XPO1: variants seen among roughly 807,000 people sequenced by gnomAD.
XPO1 encodes exportin-1.
Under a neutral mutation model 133.3 loss-of-function variants are expected in XPO1, and 5 were observed. The ratio of observed to expected loss-of-function variants is 0.04; its 90% CI spans 0.02 to 0.08. The LOEUF is 0.08. Among genes scored for constraint, XPO1 ranks in the 10% least tolerant of loss-of-function variants. XPO1 has a pLI of 1.00. For missense variants in XPO1, 506 were observed against 1,267.5 expected (o/e 0.40, Z 9.12); for synonymous variants, 419 against 408.2 (o/e 1.03, Z -0.32).
At chr2:61,491,308 A>G (rs1420322747) in intron 16 of XPO1, among the ~76,000 whole-genome samples, 1 of 151,802 alleles carries the variant, frequency 6.6e-6, no homozygotes, top group Non-Finnish European at 1.5e-5. Context: ...TAAAAATAAA[A>G]AAATTAGCTG....
chr2:61,502,988 C>T (rs1196868573), intron 4 of XPO1, among the ~76,000 whole-genome samples: 7 of 137,930 alleles, frequency 5.1e-5, no homozygotes, highest in Admixed American at 1.5e-4. Context: ...TTTTTTGAGA[C>T]GGAGTCCTGT....
intron 1 of XPO1, among the ~76,000 whole-genome samples, chr2:61,534,868 T>A (rs1699294024): frequency 9.4e-6 from 1 of 106,748 alleles, no homozygotes; most frequent in Non-Finnish European, 1.9e-5. Context: ...CAACCCTCAA[T>A]GAATTGGGGG....
At position 61,482,342 on chromosome 2, in the gene XPO1, AC is replaced by A. The variant is rs1342441642; in HGVS notation, c.2972+37del. The A allele has an allele frequency of 6.5e-6, 10 of 1,548,940 alleles. No individual in the cohort carries two copies. The South Asian group carries it at 1.2e-4, about 19-fold the overall frequency. On this transcript the variant is annotated intron_variant, in intron 23 of 24. Transcript: ENST00000401558. The stretch of plus-strand genomic sequence containing the variant: ...TTACAGGTGTGAGCCACTGTGCCCG[AC>A]CAGGAACATTCTACGTTTATTAAAA...
At chr2:61,515,362 T>C (rs1265680212) in intron 4 of XPO1, among the ~76,000 whole-genome samples, 3 of 152,228 alleles carry the variant, frequency 2.0e-5, no homozygotes, top group Admixed American at 6.5e-5. Context: ...AGTGACCCTA[T>C]TAGTTCCGTT....
intron 4 of XPO1, among the ~76,000 whole-genome samples, chr2:61,504,861 T>C (rs1416554161): frequency 6.6e-6 from 1 of 152,168 alleles, no homozygotes; most frequent in Non-Finnish European, 1.5e-5. Context: ...TAACAGTAAT[T>C]ATGGACTTTC....
intron 11 of XPO1, among the ~76,000 whole-genome samples, chr2:61,495,052 C>T (rs1333507225): frequency 6.6e-6 from 1 of 151,876 alleles, no homozygotes; most frequent in Non-Finnish European, 1.5e-5. Context: ...CGATGTAGGC[C>T]AGGCTGGTCT....
At chr2:61,500,857 TA>T (rs1461454277) in intron 6 of XPO1, among the ~76,000 whole-genome samples, 1 of 152,160 alleles carries the variant, frequency 6.6e-6, no homozygotes, top group Non-Finnish European at 1.5e-5. Flanking sequence ...CCATTGGTGA[TA>T]AAAAGTGACC....
intron 3 of XPO1, chr2:61,525,986 T>C: frequency 1.9e-6 from 2 of 1,059,474 alleles, no homozygotes; most frequent in Non-Finnish European, 2.3e-6. Flanking sequence ...AAATAAAAAC[T>C]GAGTGCTGTC....
At chr2:61,514,093 A>T (rs551387639) in intron 4 of XPO1, among the ~76,000 whole-genome samples, 2 of 151,984 alleles carry the variant, frequency 1.3e-5, no homozygotes, top group East Asian at 3.9e-4. Flanking sequence ...AGACTGAGAC[A>T]GGAGAATCGC....
chr2:61,532,134 AT>A (rs1404522687), intron 2 of XPO1, among the ~76,000 whole-genome samples: 2 of 151,812 alleles, frequency 1.3e-5, no homozygotes, highest in Non-Finnish European at 2.9e-5. Context: ...TTATTTATTT[AT>A]TTTTATTTTT....
At chr2:61,532,291 C>T (rs1699189165) in intron 2 of XPO1, among the ~76,000 whole-genome samples, 1 of 151,850 alleles carries the variant, frequency 6.6e-6, no homozygotes, top group Non-Finnish European at 1.5e-5. Context: ...CCACGCCTGG[C>T]TAATTTTTTG....
Position 61,533,877 on chromosome 2 carries a change from C to T in XPO1, c.21G>A (p.Met7Ile), listed in dbSNP as rs888036771. MPAIMT[M>I]LADHAARQLL... ...GCTGACGAGCTGCATGGTCTGCTAA[C>T]ATTGTCATAATTGCTGGCATAGATT... Residue 7 changes from methionine (M) to isoleucine (I), a missense_variant, in exon 2 of 25, where the codon ATG (methionine) becomes ATA (isoleucine). Met to Ile is a conservative substitution (Grantham distance 10, BLOSUM62 1). Around this residue, in one of 6 missense-constraint regions of XPO1, gnomAD observed 20 missense variants for 20.4 expected, o/e 0.98. Coordinates refer to ENST00000401558, the MANE Select transcript of XPO1 (RefSeq NM_003400.4). 8 of 1,587,490 alleles carry T rather than the reference C, an allele frequency of 5.0e-6. No homozygotes were observed. The highest frequency in any genetic ancestry group is 6.8e-6 in the Non-Finnish European group (8 of 1,169,494).
chr2:61,518,399 A>C (rs539643562), intron 4 of XPO1, among the ~76,000 whole-genome samples: 3 of 107,148 alleles, frequency 2.8e-5, no homozygotes, highest in African/African-American at 9.2e-5. Flanking sequence ...AAAAAAAAAA[A>C]CAAAAAACAA....
At chr2:61,519,006 A>C (rs1158553427) in intron 4 of XPO1, among the ~76,000 whole-genome samples, 1 of 152,048 alleles carries the variant, frequency 6.6e-6, no homozygotes, top group East Asian at 1.9e-4. Flanking sequence ...GTTGGAGTGC[A>C]ATGGCGTGAT....
chr2:61,497,364 A>G (rs1015293829), intron 9 of XPO1, among the ~76,000 whole-genome samples: 1 of 152,056 alleles, frequency 6.6e-6, no homozygotes, highest in Non-Finnish European at 1.5e-5. Context: ...CATGCATGCC[A>G]CCACGCCCGG....
At chr2:61,493,214 A>C (rs967366834) in intron 12 of XPO1, 161 bp from the exon 13 acceptor site, 14 of 630,980 alleles carry the variant, frequency 2.2e-5, no homozygotes, top group Non-Finnish European at 3.2e-5. Flanking sequence ...GCCGAGGCAA[A>C]AAGAACTGTT....
Position 61,482,345 on chromosome 2 carries a change from A to G in XPO1, c.2972+35T>C, listed in dbSNP as rs760436168. ...CAGGTGTGAGCCACTGTGCCCGACCAGGAACATTCTACGTTTATTAAAAGG... is the reference window on the plus strand; with the variant it reads ...CAGGTGTGAGCCACTGTGCCCGACCGGGAACATTCTACGTTTATTAAAAGG... On this transcript the variant is annotated intron_variant, in intron 23 of 24. Coordinates refer to ENST00000401558, the MANE Select transcript of XPO1 (RefSeq NM_003400.4). 1.6e-5 allele frequency: 25 copies of G among 1,554,120 alleles called. 1 individual carries two copies. Among genetic ancestry groups the G allele is most frequent in the Non-Finnish European group, 2.2e-5 (25 of 1,147,958 alleles).
At chr2:61,486,044 G>A in intron 19 of XPO1, 82 bp from the exon 20 acceptor site, 1 of 1,285,254 alleles carries the variant, frequency 7.8e-7, no homozygotes, top group South Asian at 1.5e-5. Context: ...TCCTGTCTAT[G>A]AGATGTAGCA....
chr2:61,520,965 C>T (rs1038177795), intron 4 of XPO1, among the ~76,000 whole-genome samples: 1 of 151,902 alleles, frequency 6.6e-6, no homozygotes, highest in Admixed American at 6.6e-5. Context: ...ACTAAAGATC[C>T]CTGAAGAATA....
Sources: gnomAD v4.1 joint callset for allele counts (sites outside exome capture counted in the v4.1 genomes callset) on GRCh38, gnomAD v4.1.1 for gene constraint, gnomAD v4.1.1 regional missense constraint, MANE v1.5 for transcripts, NCBI Gene and HGNC (gene_info 2026-07-23, HGNC 2026-07-21) for gene names.